PCMT1: variants seen among roughly 807,000 people sequenced by gnomAD.
PCMT1 encodes the protein protein-L-isoaspartate (D-aspartate) O-methyltransferase, also known as protein-L-isoaspartate(D-aspartate) O-methyltransferase.
Under a neutral mutation model 29.2 loss-of-function variants are expected in PCMT1, and 9 were observed. That is an observed-to-expected ratio of 0.31 (90% CI 0.19 to 0.54). PCMT1 has a LOEUF of 0.54. Ranked by LOEUF, PCMT1 falls within the 20% of genes least tolerant of loss-of-function variation. The probability of loss-of-function intolerance (pLI) is 0.95; values close to 1 mark genes in which losing one functional copy is unlikely to be tolerated. For synonymous variants in PCMT1, 98 were observed against 97.5 expected (o/e 1.00, Z -0.03); for missense variants, 184 against 282.2 (o/e 0.65, Z 2.49).
intron 1 of PCMT1, among the ~76,000 whole-genome samples, chr6:149,760,334 A>G (rs561211592): frequency 7.2e-5 from 11 of 152,290 alleles, no homozygotes; most frequent in African/African-American, 2.4e-4. Context: ...ATAAAAAAAG[A>G]CCAAACCACA....
chr6:149,786,681 C>T (rs1362687855), intron 3 of PCMT1, among the ~76,000 whole-genome samples: 39 of 130,920 alleles, frequency 3.0e-4, no homozygotes, highest in African/African-American at 1.0e-3. Flanking sequence ...CAGACGGGGT[C>T]GCGGCCGGGC....
chr6:149,759,650 A>G (rs529134904), intron 1 of PCMT1, among the ~76,000 whole-genome samples: 23 of 152,014 alleles, frequency 1.5e-4, no homozygotes, highest in Non-Finnish European at 2.6e-4. Context: ...ACCTGCCACC[A>G]CATCTGGCTA....
chr6:149,771,765 G>T (rs1425660629), intron 2 of PCMT1, among the ~76,000 whole-genome samples: 1 of 152,104 alleles, frequency 6.6e-6, no homozygotes, highest in East Asian at 1.9e-4. Flanking sequence ...CAAACCACCC[G>T]TGTTGGCCTC....
At position 149,802,223 on chromosome 6, in the gene PCMT1, A is replaced by C; in HGVS notation, c.528A>C (p.Gly176=). Reference sequence around the variant, plus strand: ...AGCTAATAGATCAGTTAAAGCCCGGAGGAAGATTGATATTGCCTGTTGGTC... The same window carrying C: ...AGCTAATAGATCAGTTAAAGCCCGGCGGAAGATTGATATTGCCTGTTGGTC... ...PQALIDQLKP[G]GRLILPVGPA... Residue 176 remains glycine, a synonymous_variant, in exon 7 of 8, where the codon GGA becomes GGC. Transcript: ENST00000464889. 1.2e-6 allele frequency: 2 copies of C among 1,610,266 alleles called. No individual in the cohort carries two copies. Among genetic ancestry groups the C allele is most frequent in the Non-Finnish European group, 1.7e-6 (2 of 1,177,786 alleles).
intron 4 of PCMT1, among the ~76,000 whole-genome samples, chr6:149,793,343 T>TGAATTCA (rs1788456630): frequency 2.0e-5 from 3 of 152,168 alleles, no homozygotes; most frequent in Non-Finnish European, 4.4e-5. Context: ...GTATTACAAG[T>TGAATTCA]TTTATTCAAT....
chr6:149,776,969 A>T (rs1787596835), intron 3 of PCMT1, among the ~76,000 whole-genome samples: 1 of 152,210 alleles, frequency 6.6e-6, no homozygotes, highest in Admixed American at 6.5e-5. Flanking sequence ...TAATATATAC[A>T]TGAGTGCAGA....
chr6:149,798,671 G>T (rs937247116), intron 6 of PCMT1, among the ~76,000 whole-genome samples: 8 of 152,218 alleles, frequency 5.3e-5, no homozygotes, highest in African/African-American at 1.9e-4. Context: ...ACTCCACAGT[G>T]TGTGAAGATA....
At position 149,802,277 on chromosome 6, in the gene PCMT1, G is replaced by A; in HGVS notation, c.582G>A (p.Gln194=). 1.9e-6 allele frequency: 3 copies of A among 1,613,784 alleles called. No individual in the cohort carries two copies. Among genetic ancestry groups the A allele is most frequent in the Middle Eastern group, 3.3e-4 (2 of 6,060 alleles). Reference sequence around the variant, plus strand: ...CAGGCGGAAACCAAATGTTGGAGCAGTATGACAAGCTACAAGATGGCAGCA... The same window carrying A: ...CAGGCGGAAACCAAATGTTGGAGCAATATGACAAGCTACAAGATGGCAGCA... ...GPAGGNQMLE[Q]YDKLQDGSIK... The change falls in exon 7 of 8, where the codon CAG becomes CAA. Residue 194 remains glutamine (Q), a synonymous_variant. Transcript: ENST00000464889.
intron 3 of PCMT1, among the ~76,000 whole-genome samples, chr6:149,780,512 C>G (rs1787771781): frequency 6.6e-6 from 1 of 152,150 alleles, no homozygotes; most frequent in African/African-American, 2.4e-5. Flanking sequence ...AGTCAGATCC[C>G]AACCCCTGCT....
At chr6:149,792,532 A>C (rs1788413505) in intron 4 of PCMT1, among the ~76,000 whole-genome samples, 1 of 152,106 alleles carries the variant, frequency 6.6e-6, no homozygotes, top group Non-Finnish European at 1.5e-5. Flanking sequence ...TTGTTTTCTG[A>C]GACAGGGTCT....
At chr6:149,779,244 G>T (rs562087300) in intron 3 of PCMT1, among the ~76,000 whole-genome samples, 8 of 151,898 alleles carry the variant, frequency 5.3e-5, no homozygotes, top group Non-Finnish European at 1.2e-4. Flanking sequence ...TCCCAAGGAT[G>T]TAAAACATAT....
intron 3 of PCMT1, among the ~76,000 whole-genome samples, chr6:149,775,744 A>G (rs1350916484): frequency 6.6e-6 from 1 of 152,214 alleles, no homozygotes; most frequent in Non-Finnish European, 1.5e-5. Flanking sequence ...ATTGTAATAC[A>G]TATGACAGCA....
intron 6 of PCMT1, among the ~76,000 whole-genome samples, chr6:149,800,231 C>T (rs938931909): frequency 7.2e-5 from 11 of 151,906 alleles, no homozygotes; most frequent in African/African-American, 1.2e-4. Flanking sequence ...TTTAAGAGGC[C>T]GAGGAGAGCG....
chr6:149,786,139 C>T (rs1459486364), intron 3 of PCMT1, among the ~76,000 whole-genome samples: 4 of 119,666 alleles, frequency 3.3e-5, no homozygotes, highest in Non-Finnish European at 6.5e-5. Flanking sequence ...ACCTCCCGGA[C>T]GGGGCGGCTG....
intron 3 of PCMT1, among the ~76,000 whole-genome samples, chr6:149,773,479 T>C (rs1787424561): frequency 6.6e-6 from 1 of 152,152 alleles, no homozygotes; most frequent in African/African-American, 2.4e-5. Context: ...TCCGGGTTCA[T>C]GCCATTCTCC....
At chr6:149,792,658 G>C (rs62441335) in intron 4 of PCMT1, among the ~76,000 whole-genome samples, 1 of 151,156 alleles carries the variant, frequency 6.6e-6, no homozygotes, top group Non-Finnish European at 1.5e-5. Context: ...TGGGACTTAG[G>C]AGGCACATGC....
chr6:149,792,407 C>G (rs572184752), intron 4 of PCMT1, among the ~76,000 whole-genome samples: 14 of 152,092 alleles, frequency 9.2e-5, no homozygotes, highest in Admixed American at 1.3e-4. Flanking sequence ...GACTTCAAAG[C>G]CTTTATGTGT....
chr6:149,774,611 C>T (rs1296713285), intron 3 of PCMT1, among the ~76,000 whole-genome samples: 85 of 147,024 alleles, frequency 5.8e-4, no homozygotes, highest in African/African-American at 2.0e-3. Flanking sequence ...CATCTCTGCT[C>T]ACTGCAACCT....
At chr6:149,783,367 G>T (rs781704131) in intron 3 of PCMT1, among the ~76,000 whole-genome samples, 13 of 152,044 alleles carry the variant, frequency 8.6e-5, no homozygotes, top group Admixed American at 4.6e-4. Context: ...TCTTGACCTC[G>T]TGATCTGCCC....
Sources: gnomAD v4.1 joint callset for allele counts (sites outside exome capture counted in the v4.1 genomes callset) on GRCh38, gnomAD v4.1.1 for gene constraint, MANE v1.5 for transcripts, NCBI Gene and HGNC (gene_info 2026-07-23, HGNC 2026-07-21) for gene names.